The following PACRG variants were observed in gnomAD, a reference collection of about 807,000 sequenced individuals.
The protein encoded by PACRG is parkin coregulated gene protein.
Under a neutral mutation model 29.7 loss-of-function variants are expected in PACRG, and 29 were observed. The ratio of observed to expected loss-of-function variants is 0.98; its 90% CI spans 0.73 to 1.33. The LOEUF is 1.33. PACRG is among the 40% of genes most tolerant of loss of function. The pLI, the probability that PACRG is intolerant of heterozygous loss-of-function variation, is 0.00. For synonymous variants in PACRG, 116 were observed against 118.7 expected (o/e 0.98, Z 0.15); for missense variants, 279 against 316.2 (o/e 0.88, Z 0.89).
chr6:163,209,895 A>G (rs1421042825), intron 4 of PACRG, among the ~76,000 whole-genome samples: 2 of 152,236 alleles, frequency 1.3e-5, no homozygotes, highest in African/African-American at 4.8e-5. Context: ...TGAACAAGGC[A>G]AAGACAGTCA....
intron 4 of PACRG, among the ~76,000 whole-genome samples, chr6:163,296,837 G>A (rs1318162700): frequency 1.3e-5 from 2 of 152,146 alleles, no homozygotes; most frequent in East Asian, 3.9e-4. Flanking sequence ...GCTCCACACT[G>A]ATTTCTGTAA....
intron 2 of PACRG, among the ~76,000 whole-genome samples, chr6:163,030,617 A>G (rs1039363767): frequency 6.6e-6 from 1 of 152,190 alleles, no homozygotes; most frequent in African/African-American, 2.4e-5. Flanking sequence ...GTTTATTAAG[A>G]AAGTACAGGA....
At chr6:163,252,673 C>T (rs1241829368) in intron 4 of PACRG, among the ~76,000 whole-genome samples, 17 of 152,202 alleles carry the variant, frequency 1.1e-4, no homozygotes, top group African/African-American at 2.4e-4. Flanking sequence ...TATCTCCTAA[C>T]GGACACCTCA....
intron 2 of PACRG, among the ~76,000 whole-genome samples, chr6:163,003,841 A>G (rs1321210630): frequency 2.0e-5 from 3 of 152,180 alleles, no homozygotes; most frequent in African/African-American, 7.2e-5. Context: ...TTGCACCCCC[A>G]TTCTTATAGA....
At chr6:163,069,575 G>A (rs910014767) in intron 3 of PACRG, among the ~76,000 whole-genome samples, 1 of 152,090 alleles carries the variant, frequency 6.6e-6, no homozygotes, top group Admixed American at 6.5e-5. Context: ...GAATTACTGA[G>A]CTTGAAGACA....
At chr6:163,145,017 T>A (rs1229156231) in intron 4 of PACRG, among the ~76,000 whole-genome samples, 3 of 152,164 alleles carry the variant, frequency 2.0e-5, no homozygotes, top group African/African-American at 4.8e-5. Context: ...GCCTCATGCT[T>A]CAGCTCTGAG....
At chr6:162,856,378 T>C (rs1265881851) in intron 2 of PACRG, among the ~76,000 whole-genome samples, 1 of 152,156 alleles carries the variant, frequency 6.6e-6, no homozygotes, top group Non-Finnish European at 1.5e-5. Flanking sequence ...ATTGTGCATA[T>C]AGCCGTGGAA....
rs575006327 is a variant in PACRG at position 162,873,740 on chromosome 6, A to G, written c.291+59459A>G. On this transcript the variant is annotated intron_variant, in intron 2 of 4. Transcript: ENST00000366888. ...GGAAACTAGCTAGCTTGAAAAACCAATTCGGCACCAAAACTTTCAGTGACT... is the reference window on the plus strand; with the variant it reads ...GGAAACTAGCTAGCTTGAAAAACCAGTTCGGCACCAAAACTTTCAGTGACT... Among the ~76,000 whole-genome samples the G allele has an allele frequency of 1.1e-4, 16 of 152,282 alleles. No individual in the cohort carries two copies. The South Asian group carries it at 2.7e-3, about 26-fold the overall frequency.
chr6:162,949,284 T>A (rs758595631), intron 2 of PACRG, among the ~76,000 whole-genome samples: 4 of 152,100 alleles, frequency 2.6e-5, no homozygotes, highest in African/African-American at 9.7e-5. Context: ...CTCCCTCATA[T>A]GTGGGAGCTT....
At position 163,233,265 on chromosome 6, in the gene PACRG, G is replaced by C. The variant is rs1444432939; in HGVS notation, c.614-81562G>C. The stretch of plus-strand genomic sequence containing the variant: ...ATTATTTAGGGACAAAGCTGAAGGT[G>C]TGTGAATGGATGGATGAAGAGATGG... On this transcript the variant is annotated intron_variant, in intron 4 of 4. Coordinates refer to ENST00000366888, the MANE Select transcript of PACRG (RefSeq NM_001080379.2). 2.0e-5 allele frequency among the ~76,000 whole-genome samples: 3 copies of C among 152,220 alleles called. No homozygotes were observed. In the East Asian group the frequency reaches 5.8e-4, roughly 29 times the overall value.
At chr6:162,729,329 A>G (rs1214315767) in intron 1 of PACRG, among the ~76,000 whole-genome samples, 1 of 152,190 alleles carries the variant, frequency 6.6e-6, no homozygotes, top group Non-Finnish European at 1.5e-5. Flanking sequence ...TTAAATGAAT[A>G]GTGTTGTTTT....
chr6:163,017,470 C>T (rs559350070), intron 2 of PACRG, among the ~76,000 whole-genome samples: 2 of 152,256 alleles, frequency 1.3e-5, no homozygotes, highest in East Asian at 3.9e-4. Flanking sequence ...TTCTTCAATT[C>T]ATAGTTGTTA....
chr6:162,970,957 C>T (rs1468239847), intron 2 of PACRG, among the ~76,000 whole-genome samples: 2 of 152,170 alleles, frequency 1.3e-5, no homozygotes, highest in Non-Finnish European at 2.9e-5. Flanking sequence ...CCATTTTTAA[C>T]GTCCCCATAC....
At chr6:163,223,574 C>T (rs1028950713) in intron 4 of PACRG, among the ~76,000 whole-genome samples, 1 of 152,100 alleles carries the variant, frequency 6.6e-6, no homozygotes, top group African/African-American at 2.4e-5. Flanking sequence ...TGTTAGACGA[C>T]TCGACTGTAA....
chr6:163,048,265 G>T (rs1187710371), intron 2 of PACRG, among the ~76,000 whole-genome samples: 1 of 152,090 alleles, frequency 6.6e-6, no homozygotes, highest in Admixed American at 6.6e-5. Context: ...TAACCAAAAT[G>T]GGAATAATCC....
intron 4 of PACRG, among the ~76,000 whole-genome samples, chr6:163,099,628 TGA>T (rs1172925822): frequency 6.6e-6 from 1 of 152,224 alleles, no homozygotes; most frequent in African/African-American, 2.4e-5. Context: ...AAATCTTCCA[TGA>T]GCACCAACTA....
chr6:162,924,698 A>C (rs998948449), intron 2 of PACRG, among the ~76,000 whole-genome samples: 1 of 151,938 alleles, frequency 6.6e-6, no homozygotes, highest in Non-Finnish European at 1.5e-5. Flanking sequence ...ACATTTATTG[A>C]CTTATGGTAT....
chr6:162,947,758 AAACT>A (rs1799351592), intron 2 of PACRG, among the ~76,000 whole-genome samples: 2 of 148,406 alleles, frequency 1.3e-5, no homozygotes, highest in African/African-American at 4.9e-5. Context: ...CACCAATAAT[AAACT>A]AACTGAGAAA....
intron 1 of PACRG, among the ~76,000 whole-genome samples, chr6:162,792,978 A>T (rs1210228236): frequency 6.6e-6 from 1 of 152,148 alleles, no homozygotes; most frequent in African/African-American, 2.4e-5. Context: ...GTTGGCCATG[A>T]GTATAGGAGG....
Sources: allele counts gnomAD v4.1 joint callset (sites outside exome capture counted in the v4.1 genomes callset), GRCh38; gene constraint gnomAD v4.1.1; transcripts MANE v1.5; gene names NCBI Gene and HGNC (gene_info 2026-07-23, HGNC 2026-07-21).